ABCC4: variants seen among roughly 807,000 people sequenced by gnomAD.
The protein encoded by ABCC4 is ATP binding cassette subfamily C member 4 (PEL blood group).
In ABCC4, 102 loss-of-function variants were observed where a neutral mutation model predicts 168.5. The ratio of observed to expected loss-of-function variants is 0.61; its 90% CI spans 0.52 to 0.71. The LOEUF (loss-of-function observed/expected upper bound fraction) is 0.71, where lower values mean the gene tolerates loss of function less well. ABCC4 is among the 30% of genes least tolerant of loss of function. The probability of loss-of-function intolerance (pLI) is 0.00; values close to 1 mark genes in which losing one functional copy is unlikely to be tolerated. For synonymous variants in ABCC4, 617 were observed against 590.7 expected (o/e 1.04, Z -0.65); for missense variants, 1,402 against 1,605.8 (o/e 0.87, Z 2.17).
At chr13:95,275,808 C>T (rs1243935492) in intron 1 of ABCC4, among the ~76,000 whole-genome samples, 1 of 151,152 alleles carries the variant, frequency 6.6e-6, no homozygotes, top group African/African-American at 2.4e-5. Flanking sequence ...AACACTGATT[C>T]AAAATATAAT....
chr13:95,083,374 C>T (rs746593391), intron 20 of ABCC4, 84 bp from the exon 21 acceptor site: 141 of 1,481,108 alleles, frequency 9.5e-5, no homozygotes, highest in Non-Finnish European at 1.2e-4. Flanking sequence ...TAGGATTACA[C>T]TCCTTTCTCT....
intron 13 of ABCC4, 73 bp downstream of exon 13, chr13:95,177,634 A>G (rs2037749628): frequency 7.8e-7 from 1 of 1,280,014 alleles, no homozygotes; most frequent in Middle Eastern, 2.0e-4. Flanking sequence ...GCTGAAAGCC[A>G]TAAAGGCTTT....
chr13:95,141,986 G>A (rs898757577), intron 19 of ABCC4, among the ~76,000 whole-genome samples: 1 of 152,178 alleles, frequency 6.6e-6, no homozygotes, highest in Non-Finnish European at 1.5e-5. Context: ...TATCTCTGCT[G>A]GTGGGAATGT....
chr13:95,143,153 T>C (rs2036375912), intron 19 of ABCC4, among the ~76,000 whole-genome samples: 1 of 152,134 alleles, frequency 6.6e-6, no homozygotes, highest in African/African-American at 2.4e-5. Context: ...TCAACATTAC[T>C]AATATGGTTT....
intron 19 of ABCC4, among the ~76,000 whole-genome samples, chr13:95,126,720 AATATAT>A (rs71111594): frequency 0.088 from 7,156 of 81,610 alleles, 582 homozygotes; most frequent in East Asian, 0.26. Context: ...CTTTTTTTGG[AATATAT>A]ATATATATAT....
intron 4 of ABCC4, among the ~76,000 whole-genome samples, chr13:95,214,454 T>C (rs1280512667): frequency 6.6e-6 from 1 of 151,964 alleles, no homozygotes; most frequent in South Asian, 2.1e-4. Flanking sequence ...GCAAGTTCAA[T>C]GAAGGACAAA....
At chr13:95,296,658 G>A (rs749755928) in intron 1 of ABCC4, among the ~76,000 whole-genome samples, 1 of 152,132 alleles carries the variant, frequency 6.6e-6, no homozygotes, top group African/African-American at 2.4e-5. Context: ...AAAGTCCTTC[G>A]TTGTTAGCCT....
chr13:95,252,557 C>G (rs2040292331), intron 1 of ABCC4, among the ~76,000 whole-genome samples: 2 of 152,142 alleles, frequency 1.3e-5, no homozygotes, highest in Non-Finnish European at 2.9e-5. Flanking sequence ...CACCTGTGAT[C>G]CCAGCTATTT....
chr13:95,046,832 T>C (rs1483941342), intron 27 of ABCC4, among the ~76,000 whole-genome samples: 2 of 152,048 alleles, frequency 1.3e-5, no homozygotes, highest in Non-Finnish European at 2.9e-5. Context: ...TATGGTTAAG[T>C]ATTAGCACTG....
At chr13:95,155,274 G>C (rs1286556750) in intron 19 of ABCC4, among the ~76,000 whole-genome samples, 1 of 150,116 alleles carries the variant, frequency 6.7e-6, no homozygotes, top group African/African-American at 2.5e-5. Flanking sequence ...CTGCAGTCTT[G>C]ACCTCCCAGA....
chr13:95,125,521 A>G (rs2035727361), intron 19 of ABCC4, among the ~76,000 whole-genome samples: 1 of 130,470 alleles, frequency 7.7e-6, no homozygotes, highest in Non-Finnish European at 1.7e-5. Context: ...ATAACTTGTA[A>G]CAAGTAAATA....
chr13:95,096,252 T>G (rs1017257345), intron 20 of ABCC4: 1 of 547,536 alleles, frequency 1.8e-6, no homozygotes, highest in Non-Finnish European at 3.2e-6. Flanking sequence ...TCAATGACCC[T>G]AAAGACAGAG....
Position 95,074,316 on chromosome 13 carries a change from A to T in ABCC4, c.2815T>A (p.Phe939Ile). Residue 939 changes from phenylalanine (F) to isoleucine (I), a missense_variant, in exon 23 of 31, where the codon TTC becomes ATC. Transcript: ENST00000645237. ...CAGCGGGACGTTGTCAAAAACAAGA[A>T]CCAAGCCTCTGAATTTGAGAACGGT... is the stretch of plus-strand genomic sequence containing the variant. ...AHQDLHSEAWFLFLTTSRWFA... is the reference protein window; with the variant it reads ...AHQDLHSEAWILFLTTSRWFA... The T allele has an allele frequency of 6.2e-7, 1 of 1,611,374 alleles. No individual in the cohort carries two copies. The highest frequency in any genetic ancestry group is 8.5e-7 in the Non-Finnish European group (1 of 1,178,592).
chr13:95,139,394 A>G (rs1315106031), intron 19 of ABCC4, among the ~76,000 whole-genome samples: 1 of 152,236 alleles, frequency 6.6e-6, no homozygotes, highest in African/African-American at 2.4e-5. Context: ...ATTCAAAACA[A>G]GAAGAATGTG....
chr13:95,149,684 T>C (rs1242189994), intron 19 of ABCC4, among the ~76,000 whole-genome samples: 3 of 152,224 alleles, frequency 2.0e-5, no homozygotes, highest in Non-Finnish European at 2.9e-5. Context: ...TCAAGGCGTG[T>C]GGAATTGTAT....
At chr13:95,098,492 G>C (rs2034687453) in intron 20 of ABCC4, among the ~76,000 whole-genome samples, 1 of 151,992 alleles carries the variant, frequency 6.6e-6, no homozygotes, top group African/African-American at 2.4e-5. Context: ...GGGAATAAAA[G>C]AAGAAATTTC....
At chr13:95,026,673 A>C (rs9524767) in intron 30 of ABCC4, among the ~76,000 whole-genome samples, 1 of 151,888 alleles carries the variant, frequency 6.6e-6, no homozygotes, top group African/African-American at 2.4e-5. Flanking sequence ...ATGATGGTTT[A>C]AGCCCAGGAG....
rs564779546 is a variant in ABCC4, at chr13:95,199,691, C to T, written c.1162-4754G>A. Among the ~76,000 whole-genome samples, 21 of 152,256 alleles carry T rather than the reference C, an allele frequency of 1.4e-4. No individual in the cohort carries two copies. In the South Asian group the frequency reaches 2.1e-3, roughly 15 times the overall value. ...GAGTCCAAATCCCATCATCATCTTC[C>T]GGGACTGCTTGCTGCATCAGCCTCC... On this transcript the variant is annotated intron_variant, in intron 8 of 30. Coordinates refer to ENST00000645237, the MANE Select transcript of ABCC4 (RefSeq NM_005845.5).
chr13:95,101,661 T>C (rs2034812768), intron 20 of ABCC4, among the ~76,000 whole-genome samples: 1 of 152,222 alleles, frequency 6.6e-6, no homozygotes, highest in Non-Finnish European at 1.5e-5. Flanking sequence ...AGCAATATTA[T>C]GAAAATTACG....
Sources: allele counts gnomAD v4.1 joint callset (sites outside exome capture counted in the v4.1 genomes callset), GRCh38; gene constraint gnomAD v4.1.1; transcripts MANE v1.5; gene names NCBI Gene and HGNC (gene_info 2026-07-23, HGNC 2026-07-21).